Variants in LAMA1 observed in about 807,000 individuals in gnomAD.
LAMA1 encodes laminin subunit alpha 1.
Under a neutral mutation model 348.7 loss-of-function variants are expected in LAMA1, and 219 were observed. The ratio of observed to expected loss-of-function variants is 0.63; its 90% CI spans 0.56 to 0.70. The LOEUF is 0.70. Among genes scored for constraint, LAMA1 ranks in the 30% least tolerant of loss-of-function variants. The pLI, the probability that LAMA1 is intolerant of heterozygous loss-of-function variation, is 0.00. For synonymous variants in LAMA1, 1,487 were observed against 1,491.0 expected, an observed-to-expected ratio of 1.00 and a Z score of 0.06; for missense variants, 3,744 against 3,888.0, an observed-to-expected ratio of 0.96 and a Z score of 0.99.
intron 5 of LAMA1, among the ~76,000 whole-genome samples, chr18:7,046,653 C>T (rs183905895): frequency 1.1e-4 from 16 of 152,102 alleles, no homozygotes; most frequent in African/African-American, 3.6e-4. Context: ...TATTGAAAAC[C>T]GTAAAATAAT....
chr18:7,017,113 G>A lies in LAMA1; in HGVS notation c.2808+165C>T, dbSNP rs533987550. ...GGCCTCCCCAACCATGCGAAACTGT[G>A]AGTCAATCAAACCTCCTTTGTTGAT... On this transcript the variant is annotated intron_variant, in intron 20 of 62. Coordinates refer to ENST00000389658, the MANE Select transcript of LAMA1 (RefSeq NM_005559.4). Among the ~76,000 whole-genome samples the A allele has an allele frequency of 3.9e-5, 6 of 152,312 alleles. No homozygotes were observed. In the South Asian group the frequency reaches 1.0e-3, roughly 26 times the overall value.
chr18:7,006,487 A>T (rs757661290), intron 29 of LAMA1, among the ~76,000 whole-genome samples: 1 of 152,332 alleles, frequency 6.6e-6, no homozygotes, highest in East Asian at 1.9e-4. Context: ...CATCGTATAC[A>T]GTTCTCATCT....
At chr18:7,089,857 G>A (rs1042120049) in intron 1 of LAMA1, among the ~76,000 whole-genome samples, 2 of 152,172 alleles carry the variant, frequency 1.3e-5, no homozygotes, top group African/African-American at 4.8e-5. Context: ...TCCCCAACAG[G>A]TTCAGGGGGG....
chr18:7,073,985 C>A (rs1032504131), intron 3 of LAMA1, among the ~76,000 whole-genome samples: 15 of 152,166 alleles, frequency 9.9e-5, no homozygotes, highest in African/African-American at 3.6e-4. Context: ...TAGGCATTGG[C>A]CACCACGCCC....
At chr18:7,042,912 C>T (rs16951095) in intron 8 of LAMA1, 17,041 of 293,176 alleles carry the variant, frequency 0.058, 760 homozygotes, top group East Asian at 0.17. Flanking sequence ...AAAAGATTGG[C>T]TGAACATCTC....
At chr18:6,953,126 T>C (rs4432321) in intron 57 of LAMA1, among the ~76,000 whole-genome samples, 3,447 of 144,682 alleles carry the variant, frequency 0.024, 189 homozygotes, top group African/African-American at 0.092. Flanking sequence ...CATGTCTGCC[T>C]GTGTCCAGCG....
intron 60 of LAMA1, among the ~76,000 whole-genome samples, 166 bp downstream of exon 60, chr18:6,948,237 A>G (rs2057530825): frequency 6.6e-6 from 1 of 152,226 alleles, no homozygotes; most frequent in African/African-American, 2.4e-5. Context: ...ACAAGACCTG[A>G]GAAGGCTTTT....
Position 6,986,366 on chromosome 18 carries a change from T to C in LAMA1, c.5169-19A>G, listed in dbSNP as rs760633316. ...AGCAGCCCTGATAAATATGAATGGTTCACATAGTAAGTAAATGAACAACAA... is the reference window on the plus strand; with the variant it reads ...AGCAGCCCTGATAAATATGAATGGTCCACATAGTAAGTAAATGAACAACAA... On this transcript the variant is annotated intron_variant, in intron 36 of 62. Coordinates refer to ENST00000389658, the MANE Select transcript of LAMA1 (RefSeq NM_005559.4). 3.7e-6 allele frequency: 6 copies of C among 1,609,336 alleles called. No individual in the cohort carries two copies. The highest frequency in any genetic ancestry group is 1.7e-5 in the Admixed American group (1 of 60,012).
chr18:7,036,298 A>C (rs1248109355), intron 12 of LAMA1, among the ~76,000 whole-genome samples: 1 of 152,260 alleles, frequency 6.6e-6, no homozygotes, highest in African/African-American at 2.4e-5. Flanking sequence ...AACATGCAGG[A>C]CACTGTTTGA....
intron 16 of LAMA1, 80 bp downstream of exon 16, chr18:7,031,986 T>TA (rs2057971661): frequency 1.8e-6 from 2 of 1,117,222 alleles, no homozygotes; most frequent in African/African-American, 2.1e-5. Context: ...GAGGAAGCAC[T>TA]TAAAAAAAAA....
intron 11 of LAMA1, among the ~76,000 whole-genome samples, chr18:7,038,363 C>CCT (rs1328600456): frequency 2.6e-5 from 4 of 151,922 alleles, no homozygotes; most frequent in African/African-American, 9.7e-5. Context: ...AACAACTTGG[C>CCT]CTGCATTCCT....
intron 54 of LAMA1, 123 bp from the exon 55 acceptor site, chr18:6,958,785 A>G (rs1600349587): frequency 1.2e-6 from 1 of 810,862 alleles, no homozygotes; most frequent in East Asian, 2.7e-5. Context: ...GGTTCATTTT[A>G]ACAAGACACT....
intron 57 of LAMA1, among the ~76,000 whole-genome samples, chr18:6,952,445 A>G (rs1175467526): frequency 6.6e-6 from 1 of 152,122 alleles, no homozygotes; most frequent in Non-Finnish European, 1.5e-5. Context: ...GGTACTGTGC[A>G]TGTGTGTGCG....
At chr18:7,040,376 G>A in intron 9 of LAMA1, 140 bp from the exon 10 acceptor site, 2 of 801,350 alleles carry the variant, frequency 2.5e-6, no homozygotes, top group South Asian at 2.8e-5. Context: ...CAGCTGCTCA[G>A]CTCAGCCATT....
rs1334855044 is a variant in LAMA1 at position 7,023,270 on chromosome 18, T to C, written c.2595A>G (p.Ser865=). 1 of 1,614,130 alleles carries C rather than the reference T, an allele frequency of 6.2e-7. No homozygotes were observed. The highest frequency in any genetic ancestry group is 8.5e-7 in the Non-Finnish European group (1 of 1,180,026). The change falls in exon 19 of 63, where the codon TCA becomes TCG. Residue 865 remains serine, a synonymous_variant. Coordinates refer to ENST00000389658, the MANE Select transcript of LAMA1 (RefSeq NM_005559.4). The part of the protein sequence containing the change: ...VDPSEAGHCD[S]VTGECLKCLG... ...GGCACTTCAGGCACTCCCCGGTGAC[T>C]GAGTCACAGTGACCAGCCTCCGAGG...
chr18:6,977,195 T>G (rs2144039351), intron 44 of LAMA1, among the ~76,000 whole-genome samples: 2 of 152,348 alleles, frequency 1.3e-5, no homozygotes, highest in South Asian at 4.1e-4. Flanking sequence ...TTCTCATGTG[T>G]GAACTGCTCC....
intron 41 of LAMA1, among the ~76,000 whole-genome samples, chr18:6,981,243 T>TTTA (rs1171102708): frequency 6.6e-6 from 1 of 152,234 alleles, no homozygotes; most frequent in Non-Finnish European, 1.5e-5. Context: ...AAGAGCTGTG[T>TTTA]TTAAGTCACT....
chr18:7,104,471 G>T lies in LAMA1; in HGVS notation c.61+13189C>A, dbSNP rs567215643. Among the ~76,000 whole-genome samples, 270 of 152,300 alleles carry T rather than the reference G, an allele frequency of 1.8e-3. 2 individuals are homozygous for T. The highest frequency in any genetic ancestry group is 6.0e-3 in the African/African-American group (249 of 41,578). ...ATGGTGTACTGGTCAGATGTACAAA[G>T]AAATCGCTATGGAAACAATAAGAAG... On this transcript the variant is annotated intron_variant, in intron 1 of 62. Transcript: ENST00000389658.
rs2058041147 is a variant in LAMA1 at position 7,046,148 on chromosome 18, G to GA, written c.858+129dup. 1.3e-5 allele frequency: 8 copies of GA among 632,170 alleles called. No homozygotes were observed. In the South Asian group the frequency reaches 1.5e-4, roughly 12 times the overall value. The allele number at this position is 632,170 out of a possible 1,614,324, so 39.2% of individuals were successfully genotyped here. On this transcript the variant is annotated intron_variant, in intron 6 of 62. Transcript: ENST00000389658. ...TAAAAATGACACAAGTTAAATTTCT[G>GA]AAAATCTGTTTTTTTGGAGCATAAT...
Sources: allele counts gnomAD v4.1 joint callset (sites outside exome capture counted in the v4.1 genomes callset), GRCh38; gene constraint gnomAD v4.1.1; transcripts MANE v1.5; gene names NCBI Gene and HGNC (gene_info 2026-07-23, HGNC 2026-07-21).